The following CATSPER4 variants were observed in gnomAD, a reference collection of about 807,000 sequenced individuals.
CATSPER4 encodes cation channel sperm-associated protein 4.
A neutral mutation model predicts 54.4 loss-of-function variants in CATSPER4; 46 were observed. The observed-to-expected ratio is 0.84, with a 90% CI of 0.67 to 1.08. The LOEUF (loss-of-function observed/expected upper bound fraction) is 1.08. Ranked by LOEUF, CATSPER4 falls within the 50% of genes least tolerant of loss-of-function variation. CATSPER4 has a pLI of 0.00. For synonymous variants in CATSPER4, 230 were observed against 231.9 expected, an observed-to-expected ratio of 0.99 and a Z score of 0.08; for missense variants, 574 against 612.8, an observed-to-expected ratio of 0.94 and a Z score of 0.67.
chr1:26,201,064 C>T (rs971120501), intron 8 of CATSPER4, 23 bp downstream of exon 8: 2 of 1,573,826 alleles, frequency 1.3e-6, no homozygotes, highest in Non-Finnish European at 1.7e-6. Flanking sequence ...ACTGGGGCTG[C>T]CCCCAAGTCA....
At chr1:26,193,968 C>G in intron 3 of CATSPER4, 80 bp downstream of exon 3, 1 of 931,148 alleles carries the variant, frequency 1.1e-6, no homozygotes, top group Non-Finnish European at 1.8e-6. Flanking sequence ...CCTGGCCCTA[C>G]AAACTGAGGG....
intron 2 of CATSPER4, among the ~76,000 whole-genome samples, chr1:26,193,331 G>A (rs1345702425): frequency 6.6e-6 from 1 of 152,116 alleles, no homozygotes. Flanking sequence ...AGCTGGAATA[G>A]CAGGAGAGGT....
intron 2 of CATSPER4, among the ~76,000 whole-genome samples, chr1:26,192,454 G>A (rs1406517519): frequency 2.0e-5 from 3 of 151,988 alleles, no homozygotes; most frequent in Non-Finnish European, 4.4e-5. Flanking sequence ...GCCAGGCATG[G>A]TGGTGGGCGC....
rs1044929546 is a variant in CATSPER4 at position 26,190,768 on chromosome 1, T to G, written c.141T>G (p.Ser47Arg). Reference protein sequence around the residue: ...ALRGRPSPLQSTIHESYGRPE... With the variant: ...ALRGRPSPLQRTIHESYGRPE... ...GGGGCCGCCCCTCTCCCCTGCAGAG[T>G]ACCATTCACGAGTCCTACGGTCGGC... Residue 47 changes from serine to arginine, a missense_variant, in exon 1 of 10, where the codon AGT becomes AGG. By Grantham distance (110) the Ser-to-Arg change is moderately radical. Coordinates refer to ENST00000456354, the MANE Select transcript of CATSPER4 (RefSeq NM_198137.2). 2 of 1,613,270 alleles carry G rather than the reference T, an allele frequency of 1.2e-6. No individual in the cohort carries two copies. The highest frequency in any genetic ancestry group is 1.3e-5 in the African/African-American group (1 of 74,884).
intron 2 of CATSPER4, among the ~76,000 whole-genome samples, chr1:26,192,758 G>A (rs757595224): frequency 5.9e-5 from 9 of 151,834 alleles, no homozygotes; most frequent in Non-Finnish European, 1.0e-4. Flanking sequence ...TTTGAATAAT[G>A]GTGTGGATGT....
intron 1 of CATSPER4, among the ~76,000 whole-genome samples, chr1:26,191,052 G>C (rs1320985789): frequency 6.6e-6 from 1 of 152,062 alleles, no homozygotes; most frequent in African/African-American, 2.4e-5. Flanking sequence ...CACTATCAGA[G>C]AGCCCAAAGA....
chr1:26,198,454 C>T, intron 6 of CATSPER4, 35 bp downstream of exon 6: 1 of 1,613,280 alleles, frequency 6.2e-7, no homozygotes. Context: ...CTCATCCCAC[C>T]TATGGGGCAG....
At chr1:26,195,803 A>T (rs1354308552) in intron 3 of CATSPER4, among the ~76,000 whole-genome samples, 1 of 152,232 alleles carries the variant, frequency 6.6e-6, no homozygotes, top group Non-Finnish European at 1.5e-5. Flanking sequence ...CGCCCGGCCT[A>T]TGCCAGGCTC....
intron 6 of CATSPER4, among the ~76,000 whole-genome samples, chr1:26,198,817 C>A (rs1324578840): frequency 6.6e-6 from 1 of 152,242 alleles, no homozygotes; most frequent in Non-Finnish European, 1.5e-5. Flanking sequence ...CTTAAACCCA[C>A]TGCCCACATT....
chr1:26,194,342 T>G (rs1414972324), intron 3 of CATSPER4, among the ~76,000 whole-genome samples: 4 of 152,228 alleles, frequency 2.6e-5, no homozygotes, highest in African/African-American at 7.2e-5. Flanking sequence ...GCTGTGTTCG[T>G]GGACACCCAA....
At chr1:26,202,070 C>T (rs2089015225) in intron 9 of CATSPER4, among the ~76,000 whole-genome samples, 1 of 152,178 alleles carries the variant, frequency 6.6e-6, no homozygotes, top group Admixed American at 6.5e-5. Flanking sequence ...GGAAAGGCTC[C>T]ACCCTTCCTG....
At chr1:26,193,959 C>A in intron 3 of CATSPER4, 71 bp downstream of exon 3, 1 of 1,018,444 alleles carries the variant, frequency 9.8e-7, no homozygotes, top group Non-Finnish European at 1.6e-6. Flanking sequence ...CCCTGTACTC[C>A]TGGCCCTACA....
chr1:26,193,906 T>C lies in CATSPER4; in HGVS notation c.459+18T>C. On this transcript the variant is annotated intron_variant, in intron 3 of 9. Transcript: ENST00000456354. Reference sequence around the variant, plus strand: ...TCTGGAAGGTGAGATCCTGAGCCCTTTGCCCCTACTTCCCCCTGGGGACTG... The same window carrying C: ...TCTGGAAGGTGAGATCCTGAGCCCTCTGCCCCTACTTCCCCCTGGGGACTG... The C allele has an allele frequency of 6.4e-7, 1 of 1,566,510 alleles. No individual in the cohort carries two copies. The highest frequency in any genetic ancestry group is 8.8e-7 in the Non-Finnish European group (1 of 1,136,356).
chr1:26,196,994 G>A (rs538516654), intron 3 of CATSPER4, among the ~76,000 whole-genome samples: 9 of 146,636 alleles, frequency 6.1e-5, no homozygotes, highest in Admixed American at 2.1e-4. Context: ...TGCAACCTCC[G>A]CCTCCTGGGT....
At chr1:26,200,749 TC>T in intron 7 of CATSPER4, 80 bp from the exon 8 acceptor site, 1 of 1,104,734 alleles carries the variant, frequency 9.1e-7, no homozygotes, top group Non-Finnish European at 1.4e-6. Flanking sequence ...AAGAGACTCA[TC>T]CTGAAGCCAA....
In CATSPER4 at chr1:26,191,488, A is replaced by G; in HGVS notation, c.357+58A>G. Reference sequence around the variant, plus strand: ...CCCTAATGGGGGGCCTGGGGCAAGAACTCTTCCGGCCTCAGGCTCCTCATC... The same window carrying G: ...CCCTAATGGGGGGCCTGGGGCAAGAGCTCTTCCGGCCTCAGGCTCCTCATC... On this transcript the variant is annotated intron_variant, in intron 2 of 9. Coordinates refer to ENST00000456354, the MANE Select transcript of CATSPER4 (RefSeq NM_198137.2). 1.9e-6 allele frequency: 3 copies of G among 1,589,072 alleles called. No homozygotes were observed. In the South Asian group the frequency reaches 3.3e-5, roughly 18 times the overall value.
Position 26,202,821 on chromosome 1 carries a change from T to A in CATSPER4, c.*279T>A, listed in dbSNP as rs1569914694. 1.9e-6 allele frequency: 1 copy of A among 519,954 alleles called. No individual in the cohort carries two copies. Among genetic ancestry groups the A allele is most frequent in the East Asian group, 3.3e-5 (1 of 30,010 alleles). 32.2% of individuals were successfully genotyped at this position (519,954 alleles called of 1,614,324 possible). Reference sequence around the variant, plus strand: ...GGGGTGCTGGCCAACGCAGCCAGGATTTGACCTAAGGATGGGGATCCCTGG... The same window carrying A: ...GGGGTGCTGGCCAACGCAGCCAGGAATTGACCTAAGGATGGGGATCCCTGG... On this transcript the variant is annotated 3_prime_UTR_variant, in exon 10 of 10. Coordinates refer to ENST00000456354, the MANE Select transcript of CATSPER4 (RefSeq NM_198137.2).
In CATSPER4 at chr1:26,197,599, T is replaced by C. The variant is rs1377138518; in HGVS notation, c.460-87T>C. The C allele has an allele frequency of 8.9e-6, 8 of 900,708 alleles. No individual in the cohort carries two copies. The African/African-American group carries it at 1.1e-4, about 13-fold the overall frequency. The allele number at this position is 900,708 out of a possible 1,614,324, so 55.8% of individuals were successfully genotyped here. On this transcript the variant is annotated intron_variant, in intron 3 of 9. Coordinates refer to ENST00000456354, the MANE Select transcript of CATSPER4 (RefSeq NM_198137.2). ...CTGCTCTGAGAGGGACATTGAGCCC[T>C]CATCCCTGGGATGTGGGGAGGGCAG...
At chr1:26,195,151 C>T (rs1481654931) in intron 3 of CATSPER4, among the ~76,000 whole-genome samples, 1 of 152,210 alleles carries the variant, frequency 6.6e-6, no homozygotes, top group Non-Finnish European at 1.5e-5. Flanking sequence ...TTGAAAGGTA[C>T]ACACAGAATT....
Sources: gnomAD v4.1 joint callset for allele counts (sites outside exome capture counted in the v4.1 genomes callset) on GRCh38, gnomAD v4.1.1 for gene constraint, MANE v1.5 for transcripts, NCBI Gene and HGNC (gene_info 2026-07-23, HGNC 2026-07-21) for gene names.